The following CHM variants were observed in gnomAD, a reference collection of about 807,000 sequenced individuals.
CHM encodes the protein CHM Rab escort protein.
Under a neutral mutation model 49.0 loss-of-function variants are expected in CHM, and 10 were observed. The observed-to-expected ratio is 0.20, with a 90% CI of 0.13 to 0.35. CHM has a LOEUF of 0.35. CHM is among the 10% of genes least tolerant of loss of function. CHM has a pLI of 1.00. For missense variants in CHM, 455 were observed against 478.4 expected (o/e 0.95, Z 0.46); for synonymous variants, 184 against 167.5 (o/e 1.10, Z -0.76).
intron 12 of CHM, among the ~76,000 whole-genome samples, chrX:85,891,587 G>A (rs1466012704): frequency 8.9e-6 from 1 of 112,397 alleles, no homozygotes; most frequent in Non-Finnish European, 1.9e-5. Flanking sequence ...TTGGGGTTTG[G>A]GAACCTCTAC....
At chrX:85,912,865 T>C (rs780917192) in intron 8 of CHM, among the ~76,000 whole-genome samples, 18 of 106,727 alleles carry the variant, frequency 1.7e-4, no homozygotes, top group Non-Finnish European at 3.5e-4. Context: ...AATACAAAAT[T>C]AGCCAGGTAC....
intron 11 of CHM, among the ~76,000 whole-genome samples, chrX:85,900,378 T>C (rs1386762388): frequency 9.0e-6 from 1 of 110,955 alleles, no homozygotes; most frequent in Non-Finnish European, 1.9e-5. Flanking sequence ...TGGGGAGACG[T>C]TGGTCAAAGG....
chrX:85,890,796 C>T (rs757345420), intron 12 of CHM, among the ~76,000 whole-genome samples: 13 of 111,741 alleles, frequency 1.2e-4, no homozygotes, highest in Admixed American at 2.9e-4. Flanking sequence ...AATGTGAAAG[C>T]GACTTTGGAA....
intron 1 of CHM, among the ~76,000 whole-genome samples, chrX:86,031,558 G>A (rs1934044762): frequency 8.9e-6 from 1 of 112,276 alleles, no homozygotes; most frequent in Non-Finnish European, 1.9e-5. Flanking sequence ...AAATTATTTA[G>A]CGCTGGGCAC....
chrX:85,946,664 C>A (rs1456650237), intron 8 of CHM, among the ~76,000 whole-genome samples: 2 of 112,246 alleles, frequency 1.8e-5, no homozygotes, highest in Non-Finnish European at 3.8e-5. Flanking sequence ...ACAGATGGAA[C>A]CACCACAGAG....
At chrX:85,889,999 T>C (rs1223273417) in intron 12 of CHM, among the ~76,000 whole-genome samples, 1 of 111,002 alleles carries the variant, frequency 9.0e-6, no homozygotes, top group Admixed American at 9.6e-5. Flanking sequence ...AAATCTGGCA[T>C]ACACAAGGAG....
intron 2 of CHM, among the ~76,000 whole-genome samples, chrX:85,988,574 A>C (rs1469207245): frequency 1.8e-5 from 2 of 111,750 alleles, no homozygotes; most frequent in Non-Finnish European, 3.8e-5. Context: ...CTTGGTTTGC[A>C]GACTACATGA....
intron 1 of CHM, among the ~76,000 whole-genome samples, chrX:86,037,244 G>C (rs1196582247): frequency 9.4e-6 from 1 of 106,751 alleles, no homozygotes. Context: ...AGCTTCCCAA[G>C]GAGCTGGGAT....
intron 2 of CHM, among the ~76,000 whole-genome samples, chrX:86,010,129 T>C (rs1283569138): frequency 2.1e-5 from 2 of 93,808 alleles, no homozygotes; most frequent in African/African-American, 7.9e-5. Context: ...AAGTGGGAGT[T>C]GAACAATGAG....
At chrX:86,026,594 G>C (rs775489444) in intron 2 of CHM, among the ~76,000 whole-genome samples, 25 of 111,861 alleles carry the variant, frequency 2.2e-4, no homozygotes, top group Admixed American at 1.7e-3. Context: ...TCATCCAGTT[G>C]CTCCCAAATC....
At chrX:86,027,346 A>G (rs1218786429) in intron 2 of CHM, 145 bp downstream of exon 2, 4 of 502,947 alleles carry the variant, frequency 8.0e-6, no homozygotes, top group African/African-American at 4.8e-5. Context: ...TTAAAATTAA[A>G]CAACTCCGAT....
At chrX:85,923,232 T>C (rs1206993707) in intron 8 of CHM, among the ~76,000 whole-genome samples, 2 of 112,490 alleles carry the variant, frequency 1.8e-5, no homozygotes, top group African/African-American at 6.5e-5. Context: ...TGCATAGACT[T>C]GCCACAAGGA....
At chrX:85,943,241 T>G (rs1273389647) in intron 8 of CHM, among the ~76,000 whole-genome samples, 1 of 109,795 alleles carries the variant, frequency 9.1e-6, no homozygotes, top group Non-Finnish European at 1.9e-5. Context: ...TCAAACAAAT[T>G]TACAAGAAAA....
chrX:85,931,378 G>A lies in CHM; in HGVS notation c.1167-20040C>T, dbSNP rs929447802. The stretch of plus-strand genomic sequence containing the variant: ...TGCACTGCCAAAAATAGACCAGTTC[G>A]ATTTGCTTTATGGAACTAAAAATGC... On this transcript the variant is annotated intron_variant, in intron 8 of 14. Transcript: ENST00000357749. Among the ~76,000 whole-genome samples, 11 of 111,235 alleles carry A rather than the reference G, an allele frequency of 9.9e-5. No homozygotes were observed. The South Asian group carries it at 1.1e-3, about 11-fold the overall frequency.
chrX:85,881,766 C>T (rs928441679), intron 12 of CHM, among the ~76,000 whole-genome samples: 2 of 111,983 alleles, frequency 1.8e-5, no homozygotes, highest in Admixed American at 1.9e-4. Flanking sequence ...GGTTCTCATA[C>T]AGATGCTCAG....
chrX:85,901,685 A>T (rs959101842), intron 9 of CHM, among the ~76,000 whole-genome samples: 1 of 112,115 alleles, frequency 8.9e-6, no homozygotes, highest in Non-Finnish European at 1.9e-5. Context: ...AAGAATAGCT[A>T]TATGGTCACG....
intron 9 of CHM, among the ~76,000 whole-genome samples, chrX:85,909,628 T>C (rs1569409176): frequency 9.0e-6 from 1 of 111,600 alleles, no homozygotes; most frequent in Non-Finnish European, 1.9e-5. Context: ...TACCAGATCA[T>C]AAAAAAGAGC....
chrX:85,928,150 T>C (rs1928199192), intron 8 of CHM, among the ~76,000 whole-genome samples: 1 of 112,308 alleles, frequency 8.9e-6, no homozygotes, highest in Admixed American at 9.4e-5. Context: ...AAGAGAGAAA[T>C]ATACTGTGTG....
intron 2 of CHM, among the ~76,000 whole-genome samples, chrX:86,002,628 G>T (rs35581468): frequency 0.28 from 30,609 of 111,210 alleles, 3,518 homozygotes; most frequent in Admixed American, 0.39. Context: ...ACAAGGGGTC[G>T]GGGTATTTCC....
Sources: allele counts gnomAD v4.1 joint callset (sites outside exome capture counted in the v4.1 genomes callset), GRCh38; gene constraint gnomAD v4.1.1; transcripts MANE v1.5; gene names NCBI Gene and HGNC (gene_info 2026-07-23, HGNC 2026-07-21).